Variants in TMED5 observed in about 807,000 individuals in gnomAD.
The protein encoded by TMED5 is transmembrane emp24 domain-containing protein 5.
In TMED5, 27 loss-of-function variants were observed where a neutral mutation model predicts 23.0. That is an observed-to-expected ratio of 1.17 (90% confidence interval 0.86 to 1.62). The LOEUF (loss-of-function observed/expected upper bound fraction) is 1.62, where lower values mean the gene tolerates loss of function less well. Among genes scored for constraint, TMED5 ranks in the 40% most tolerant of loss-of-function variants. The pLI is 0.00. For synonymous variants in TMED5, 97 were observed against 100.8 expected, an observed-to-expected ratio of 0.96 and a Z score of 0.23; for missense variants, 248 against 273.7, an observed-to-expected ratio of 0.91 and a Z score of 0.66.
chr1:93,180,372 G>T lies in TMED5; in HGVS notation c.-130C>A, dbSNP rs1177132695. 4.6e-6 allele frequency: 6 copies of T among 1,308,198 alleles called. No homozygotes were observed. Among genetic ancestry groups the T allele is most frequent in the Non-Finnish European group, 5.2e-6 (5 of 962,952 alleles). The allele number at this position is 1,308,198 out of a possible 1,614,324, so 81.0% of individuals were successfully genotyped here. A position where few individuals can be genotyped will look rare whatever the true frequency, so the allele number is the denominator to read the frequency against. ...GAAGAAACTCCAGGTGGCGGCCGCG[G>T]CGGCGGCGAACACTCCCTCCGAAAG... On this transcript the variant is annotated 5_prime_UTR_variant, in exon 1 of 4. Transcript: ENST00000370282.
At chr1:93,177,584 C>CAAAAA (rs11322215) in intron 1 of TMED5, among the ~76,000 whole-genome samples, 1 of 44,404 alleles carries the variant, frequency 2.3e-5, no homozygotes, top group African/African-American at 1.3e-4. Flanking sequence ...GACTCTGTCT[C>CAAAAA]AAAAAAAAAA....
chr1:93,154,346 G>A lies in TMED5; in HGVS notation c.*324C>T. ...AACCTGTTAAAAACAGACTGGTGTT[G>A]CAATTAGGCCCAATACTCATTTATT... On this transcript the variant is annotated 3_prime_UTR_variant, in exon 4 of 4. Transcript: ENST00000370282. 1 of 224,698 alleles carries A rather than the reference G, an allele frequency of 4.5e-6. No individual in the cohort carries two copies. Among genetic ancestry groups the A allele is most frequent in the Non-Finnish European group, 8.6e-6 (1 of 116,110 alleles). 13.9% of individuals were successfully genotyped at this position (224,698 alleles called of 1,614,324 possible). A position where few individuals can be genotyped will look rare whatever the true frequency, so the allele number is the denominator to read the frequency against.
At chr1:93,166,168 T>C (rs1365215748) in intron 1 of TMED5, among the ~76,000 whole-genome samples, 1 of 152,254 alleles carries the variant, frequency 6.6e-6, no homozygotes, top group Non-Finnish European at 1.5e-5. Context: ...CATCTGTTGA[T>C]GAACACTTTA....
intron 1 of TMED5, among the ~76,000 whole-genome samples, chr1:93,177,482 C>T (rs1014670672): frequency 2.1e-5 from 3 of 142,290 alleles, no homozygotes; most frequent in African/African-American, 5.3e-5. Flanking sequence ...GAAGCTGAGG[C>T]GGGAGAATCA....
intron 2 of TMED5, among the ~76,000 whole-genome samples, chr1:93,156,684 C>G (rs1221437752): frequency 6.6e-6 from 1 of 151,474 alleles, no homozygotes; most frequent in Non-Finnish European, 1.5e-5. Context: ...AATCCTGTCT[C>G]TACAAAAAAA....
intron 1 of TMED5, 159 bp downstream of exon 1, chr1:93,179,895 G>C (rs1017108185): frequency 1.4e-6 from 1 of 697,924 alleles, no homozygotes; most frequent in Non-Finnish European, 2.3e-6. Context: ...CGAGAGCCTC[G>C]CCTCGCCTCG....
intron 3 of TMED5, 103 bp from the exon 4 acceptor site, chr1:93,154,991 A>T: frequency 1.2e-6 from 1 of 839,962 alleles, no homozygotes; most frequent in Non-Finnish European, 1.8e-6. Flanking sequence ...GTAATCCTGG[A>T]ACTTTGGGAG....
intron 2 of TMED5, among the ~76,000 whole-genome samples, chr1:93,159,795 C>CAA (rs1648205817): frequency 6.6e-6 from 1 of 152,112 alleles, no homozygotes; most frequent in South Asian, 2.1e-4. Flanking sequence ...ATACCTGGAA[C>CAA]AGTAGCTTTA....
intron 1 of TMED5, among the ~76,000 whole-genome samples, chr1:93,177,254 C>T (rs1648947218): frequency 1.3e-5 from 2 of 152,102 alleles, no homozygotes; most frequent in Admixed American, 6.5e-5. Context: ...TTTCCTTAAT[C>T]AAAACAAATT....
In TMED5 at chr1:93,152,569, A is replaced by G. The variant is rs928027882; in HGVS notation, c.*2101T>C. On this transcript the variant is annotated 3_prime_UTR_variant, in exon 4 of 4. Transcript: ENST00000370282. Reference sequence around the variant, plus strand: ...CAATTATCGTTTTTATATGGTAAGAAGTTACTGAATCATAGGTTTAAGATC... The same window carrying G: ...CAATTATCGTTTTTATATGGTAAGAGGTTACTGAATCATAGGTTTAAGATC... The G allele has an allele frequency of 6.6e-6, 1 of 152,640 alleles. No homozygotes were observed. The highest frequency in any genetic ancestry group is 2.4e-5 in the African/African-American group (1 of 41,462). 9.5% of individuals were successfully genotyped at this position (152,640 alleles called of 1,614,324 possible). A position where few individuals can be genotyped will look rare whatever the true frequency, so the allele number is the denominator to read the frequency against.
At chr1:93,156,938 A>C (rs1390705369) in intron 2 of TMED5, among the ~76,000 whole-genome samples, 1 of 152,146 alleles carries the variant, frequency 6.6e-6, no homozygotes, top group African/African-American at 2.4e-5. Context: ...GAAAGAAGCA[A>C]CCTGAAAATA....
At chr1:93,161,711 T>A (rs987221519) in intron 1 of TMED5, 1 of 152,214 alleles carries the variant, frequency 6.6e-6, no homozygotes, top group Non-Finnish European at 1.5e-5. Flanking sequence ...TTGGCACTTA[T>A]GAGACGTTCT....
intron 1 of TMED5, among the ~76,000 whole-genome samples, chr1:93,167,313 T>C (rs1648544585): frequency 6.6e-6 from 1 of 152,192 alleles, no homozygotes; most frequent in South Asian, 2.1e-4. Context: ...GCCAAAGGTA[T>C]TCTAATAGGA....
chr1:93,174,996 G>A (rs1021463802), intron 1 of TMED5, among the ~76,000 whole-genome samples: 1 of 148,426 alleles, frequency 6.7e-6, no homozygotes, highest in African/African-American at 2.5e-5. Flanking sequence ...ATTCCTCTGG[G>A]TGTGTACCCA....
intron 1 of TMED5, among the ~76,000 whole-genome samples, chr1:93,175,175 T>TTATATATATATA (rs201008342): frequency 0.013 from 1,501 of 119,710 alleles, 39 homozygotes; most frequent in African/African-American, 0.028. Flanking sequence ...TAAAAGCCAT[T>TTATATATATATA]TATATATATA....
At chr1:93,162,770 CAGA>C (rs1296751248) in intron 1 of TMED5, 2 of 152,108 alleles carry the variant, frequency 1.3e-5, no homozygotes, top group Admixed American at 1.3e-4. Flanking sequence ...AGAGAAGTAG[CAGA>C]AGTAGTAGAG....
chr1:93,157,410 TAA>T (rs1648111650), intron 2 of TMED5, among the ~76,000 whole-genome samples: 1 of 152,156 alleles, frequency 6.6e-6, no homozygotes, highest in African/African-American at 2.4e-5. Flanking sequence ...GTACCCTAGT[TAA>T]AATTAGTTTC....
At chr1:93,155,727 C>A (rs1288968720) in intron 3 of TMED5, among the ~76,000 whole-genome samples, 1 of 151,992 alleles carries the variant, frequency 6.6e-6, no homozygotes, top group Non-Finnish European at 1.5e-5. Flanking sequence ...TGATCCTCCC[C>A]CTAACCTTCT....
rs1054041004 is a variant in TMED5 at position 93,152,049 on chromosome 1, G to A, written c.*2621C>T. On this transcript the variant is annotated 3_prime_UTR_variant, in exon 4 of 4. Transcript: ENST00000370282. ...TTTTCATTTGAGGAGACATACAATT[G>A]TAAGTGCTCATTTTTTGTCAATTTT... The A allele has an allele frequency of 1.3e-5, 2 of 152,580 alleles. No individual in the cohort carries two copies. Among genetic ancestry groups the A allele is most frequent in the Non-Finnish European group, 2.9e-5 (2 of 68,016 alleles). The allele number at this position is 152,580 out of a possible 1,614,324, so 9.5% of individuals were successfully genotyped here.
Sources: gnomAD v4.1 joint callset for allele counts (sites outside exome capture counted in the v4.1 genomes callset) on GRCh38, gnomAD v4.1.1 for gene constraint, MANE v1.5 for transcripts, NCBI Gene and HGNC (gene_info 2026-07-23, HGNC 2026-07-21) for gene names.